LRRC25: variants seen among roughly 807,000 people sequenced by gnomAD.
LRRC25 encodes leucine-rich repeat-containing protein 25.
LRRC25 carries 5 observed loss-of-function variants against 18.8 expected under a neutral mutation model. That is an observed-to-expected ratio of 0.27 (90% CI 0.14 to 0.56). LRRC25 has a LOEUF of 0.56. LRRC25 is among the 20% of genes least tolerant of loss of function. LRRC25 has a pLI of 0.93. For synonymous variants in LRRC25, 161 were observed against 176.8 expected (o/e 0.91, Z 0.71); for missense variants, 341 against 389.8 (o/e 0.87, Z 1.05).
Position 18,396,688 on chromosome 19 carries a change from C to T in LRRC25, c.276G>A (p.Val92=), listed in dbSNP as rs1458556646. The change falls in exon 1 of 2, where the codon GTG becomes GTA. Residue 92 remains valine, a synonymous_variant. Coordinates refer to ENST00000339007, the MANE Select transcript of LRRC25 (RefSeq NM_145256.3). ...CCACACGAGACAAGGGGTTGCGTAG[C>T]ACGTTCAGGACCTCAAGCTTCTGCA... ...AHLQKLEVLN[V]LRNPLSRVDG... is the part of the protein sequence containing the mutation. 1 of 1,614,012 alleles carries T rather than the reference C, an allele frequency of 6.2e-7. No individual in the cohort carries two copies. Among genetic ancestry groups the T allele is most frequent in the Non-Finnish European group, 8.5e-7 (1 of 1,179,980 alleles).
chr19:18,391,668 A>G lies in LRRC25; in HGVS notation c.*319T>C. On this transcript the variant is annotated 3_prime_UTR_variant, in exon 2 of 2. Transcript: ENST00000339007. ...CACCTTGAGGAACCCACGCACCCTG[A>G]GCCAGCAGCCTCATCAGCCTCGAAG... 4.3e-6 allele frequency: 1 copy of G among 233,860 alleles called. No individual in the cohort carries two copies. The allele number at this position is 233,860 out of a possible 1,614,324, so 14.5% of individuals were successfully genotyped here. A position where few individuals can be genotyped will look rare whatever the true frequency, so the allele number is the denominator to read the frequency against.
chr19:18,394,953 C>A (rs1354780697), intron 1 of LRRC25, among the ~76,000 whole-genome samples: 2 of 152,162 alleles, frequency 1.3e-5, no homozygotes, highest in Non-Finnish European at 1.5e-5. Flanking sequence ...GCGGCATGTG[C>A]CTGTGGTCCC....
chr19:18,397,143 C>T lies in LRRC25; in HGVS notation c.-180G>A. The T allele has an allele frequency of 1.5e-6, 1 of 658,126 alleles. No individual in the cohort carries two copies. The allele number at this position is 658,126 out of a possible 1,614,324, so 40.8% of individuals were successfully genotyped here. Reference sequence around the variant, plus strand: ...GGCTGGTGGGCTGCCTCAGTCTCCCCTTCTGGGGAATGGGTAGATAACCCC... The same window carrying T: ...GGCTGGTGGGCTGCCTCAGTCTCCCTTTCTGGGGAATGGGTAGATAACCCC... On this transcript the variant is annotated 5_prime_UTR_variant, in exon 1 of 2. Coordinates refer to ENST00000339007, the MANE Select transcript of LRRC25 (RefSeq NM_145256.3).
In LRRC25 at chr19:18,397,055, C is replaced by T. The variant is rs973924622; in HGVS notation, c.-92G>A. On this transcript the variant is annotated 5_prime_UTR_variant, in exon 1 of 2. Coordinates refer to ENST00000339007, the MANE Select transcript of LRRC25 (RefSeq NM_145256.3). ...CCACCGCCAGTGTTTATTATTATAG[C>T]TCAGACCAGCTCAAGCCGCTTCTGA... The T allele has an allele frequency of 2.3e-6, 3 of 1,310,854 alleles. No individual in the cohort carries two copies. In the African/African-American group the frequency reaches 4.4e-5, roughly 19 times the overall value. 81.2% of individuals were successfully genotyped at this position (1,310,854 alleles called of 1,614,324 possible).
At position 18,397,064 on chromosome 19, in the gene LRRC25, G is replaced by T; in HGVS notation, c.-101C>A. 1 of 1,237,906 alleles carries T rather than the reference G, an allele frequency of 8.1e-7. No individual in the cohort carries two copies. Among genetic ancestry groups the T allele is most frequent in the Non-Finnish European group, 1.1e-6 (1 of 911,602 alleles). The allele number at this position is 1,237,906 out of a possible 1,614,324, so 76.7% of individuals were successfully genotyped here. On this transcript the variant is annotated 5_prime_UTR_variant, in exon 1 of 2. The change creates a new upstream start codon in the 5' untranslated region. Coordinates refer to ENST00000339007, the MANE Select transcript of LRRC25 (RefSeq NM_145256.3). ...GTGTTTATTATTATAGCTCAGACCA[G>T]CTCAAGCCGCTTCTGAAATGGTAAA...
Position 18,396,231 on chromosome 19 carries a change from T to C in LRRC25, c.733A>G (p.Met245Val), listed in dbSNP as rs761423621. 58 of 1,610,518 alleles carry C rather than the reference T, an allele frequency of 3.6e-5. 2 individuals are homozygous for C. The South Asian group carries it at 4.7e-4, about 13-fold the overall frequency. Residue 245 changes from methionine to valine, a missense_variant, in exon 1 of 2, where the codon ATG becomes GTG. Physicochemically the swap from Met to Val is conservative, Grantham distance 21. Transcript: ENST00000339007. ...TCGGCTGCTGGCTGGCCCACAAACA[T>C]GTTCTCATAGTCGGGAGTGGAGGGG... ...SCPSTPDYENMFVGQPAAEHQ... is the reference protein window; with the variant it reads ...SCPSTPDYENVFVGQPAAEHQ...
intron 1 of LRRC25, 102 bp from the exon 2 acceptor site, chr19:18,392,227 TCA>T: frequency 8.1e-7 from 1 of 1,240,078 alleles, no homozygotes; most frequent in South Asian, 1.3e-5. Context: ...GTGCTCTGAC[TCA>T]CGCCTGTAAT....
intron 1 of LRRC25, among the ~76,000 whole-genome samples, chr19:18,392,939 G>A (rs925620161): frequency 5.9e-5 from 9 of 152,112 alleles, no homozygotes; most frequent in Non-Finnish European, 1.0e-4. Flanking sequence ...ACAGTGAGCC[G>A]TTATCACACC....
chr19:18,392,920 G>T (rs1664008444), intron 1 of LRRC25, among the ~76,000 whole-genome samples: 2 of 152,108 alleles, frequency 1.3e-5, no homozygotes, highest in African/African-American at 4.8e-5. Flanking sequence ...AGCCCAGGAG[G>T]TCGAGCCTAC....
chr19:18,392,828 A>G (rs1433169722), intron 1 of LRRC25, among the ~76,000 whole-genome samples: 2 of 152,034 alleles, frequency 1.3e-5, no homozygotes, highest in African/African-American at 4.8e-5. Flanking sequence ...CATCTCTACA[A>G]AAAATTAAAA....
In LRRC25 at chr19:18,397,376, G is replaced by C. The variant is rs995395739; in HGVS notation, c.-413C>G. 9.0e-6 allele frequency: 2 copies of C among 222,760 alleles called. No individual in the cohort carries two copies. Among genetic ancestry groups the C allele is most frequent in the African/African-American group, 4.5e-5 (2 of 44,562 alleles). The allele number at this position is 222,760 out of a possible 1,614,324, so 13.8% of individuals were successfully genotyped here. A position where few individuals can be genotyped will look rare whatever the true frequency, so the allele number is the denominator to read the frequency against. On this transcript the variant is annotated 5_prime_UTR_variant, in exon 1 of 2. Transcript: ENST00000339007. ...GGGAAGTCCTGGGATAGGGTGGAGT[G>C]GGGGCTGCTGAAAGGGTCCTCCCAG...
chr19:18,394,393 C>T (rs1971941597), intron 1 of LRRC25, among the ~76,000 whole-genome samples: 1 of 151,764 alleles, frequency 6.6e-6, no homozygotes, highest in Non-Finnish European at 1.5e-5. Flanking sequence ...GCAACCTCCA[C>T]CTCCTGGGTT....
Position 18,396,210 on chromosome 19 carries a change from C to T in LRRC25, c.754G>A (p.Ala252Thr), listed in dbSNP as rs1358782651. Residue 252 changes from alanine to threonine, a missense_variant, in exon 1 of 2, where the codon GCC (alanine) becomes ACC (threonine). Ala to Thr is a moderately conservative substitution (Grantham distance 58). Coordinates refer to ENST00000339007, the MANE Select transcript of LRRC25 (RefSeq NM_145256.3). ...YENMFVGQPA[A>T]EHQWDEQGAH... Reference sequence around the variant, plus strand: ...CCTTGTTCATCCCACTGGTGCTCGGCTGCTGGCTGGCCCACAAACATGTTC... The same window carrying T: ...CCTTGTTCATCCCACTGGTGCTCGGTTGCTGGCTGGCCCACAAACATGTTC... The T allele has an allele frequency of 1.9e-5, 31 of 1,604,464 alleles. No homozygotes were observed. Among genetic ancestry groups the T allele is most frequent in the Non-Finnish European group, 2.6e-5 (30 of 1,172,804 alleles).
rs1308731893 is a variant in LRRC25 at position 18,396,421 on chromosome 19, G to A, written c.543C>T (p.Ile181=). The A allele has an allele frequency of 6.2e-7, 1 of 1,613,444 alleles. No homozygotes were observed. Among genetic ancestry groups the A allele is most frequent in the African/African-American group, 1.3e-5 (1 of 75,066 alleles). Residue 181 remains isoleucine (I), a synonymous_variant, in exon 1 of 2, where the codon ATC becomes ATT. Coordinates refer to ENST00000339007, the MANE Select transcript of LRRC25 (RefSeq NM_145256.3). ...GTCTCCAGGCCAGCACAGGGCCAGC[G>A]ATGGCAAGTCCAAGAAGCAGGCACC... ...VSGCLLLGLA[I]AGPVLAWRLW...
Position 18,396,965 on chromosome 19 carries a change from C to T in LRRC25, c.-2G>A, listed in dbSNP as rs990709669. On this transcript the variant is annotated 5_prime_UTR_variant, in exon 1 of 2. Transcript: ENST00000339007. The stretch of plus-strand genomic sequence containing the variant: ...CGTCCATGCCAGGGTGCCCCCCATT[C>T]AAGCAACCTACGTAGAGACACCGGA... 4.4e-6 allele frequency: 7 copies of T among 1,603,816 alleles called. No homozygotes were observed. The highest frequency in any genetic ancestry group is 1.7e-6 in the Non-Finnish European group (2 of 1,175,424).
chr19:18,394,292 T>C (rs1326047386), intron 1 of LRRC25, among the ~76,000 whole-genome samples: 2 of 148,464 alleles, frequency 1.3e-5, no homozygotes, highest in East Asian at 2.0e-4. Context: ...TCTTTTCTTT[T>C]TTTCTTTCTT....
Position 18,396,648 on chromosome 19 carries a change from C to T in LRRC25, c.316G>A (p.Ala106Thr), listed in dbSNP as rs1266602209. Reference sequence around the variant, plus strand: ...GCCTGCAGGTCAAGGTCACAGCGGGCGGCCAGCGCCCCATCCACACGAGAC... The same window carrying T: ...GCCTGCAGGTCAAGGTCACAGCGGGTGGCCAGCGCCCCATCCACACGAGAC... ...PLSRVDGALA[A>T]RCDLDLQADC... The change falls in exon 1 of 2, where the codon GCC becomes ACC. Residue 106 changes from alanine to threonine, a missense_variant. Coordinates refer to ENST00000339007, the MANE Select transcript of LRRC25 (RefSeq NM_145256.3). The T allele has an allele frequency of 1.2e-6, 2 of 1,613,886 alleles. No homozygotes were observed.
intron 1 of LRRC25, among the ~76,000 whole-genome samples, chr19:18,392,483 C>G (rs1971914479): frequency 6.6e-6 from 1 of 151,614 alleles, no homozygotes; most frequent in Non-Finnish European, 1.5e-5. Context: ...CAGAGCAAGA[C>G]TCTATCTCAG....
chr19:18,394,290 T>G (rs146440467), intron 1 of LRRC25, among the ~76,000 whole-genome samples: 188 of 149,614 alleles, frequency 1.3e-3, no homozygotes, highest in Middle Eastern at 6.9e-3. Context: ...TTTCTTTTCT[T>G]TTTTTCTTTC....
Sources: allele counts gnomAD v4.1 joint callset (sites outside exome capture counted in the v4.1 genomes callset), GRCh38; gene constraint gnomAD v4.1.1; transcripts MANE v1.5; gene names NCBI Gene and HGNC (gene_info 2026-07-23, HGNC 2026-07-21).